VANGL1: variants seen among roughly 807,000 people sequenced by gnomAD.
The protein encoded by VANGL1 is VANGL planar cell polarity protein 1.
Under a neutral mutation model 48.4 loss-of-function variants are expected in VANGL1, and 18 were observed. The observed-to-expected ratio is 0.37, with a 90% CI of 0.26 to 0.55. The LOEUF (loss-of-function observed/expected upper bound fraction) is 0.55. Among genes scored for constraint, VANGL1 ranks in the 20% least tolerant of loss-of-function variants. VANGL1 has a pLI of 0.81. For synonymous variants in VANGL1, 257 were observed against 261.8 expected, an observed-to-expected ratio of 0.98 and a Z score of 0.18; for missense variants, 667 against 675.8, an observed-to-expected ratio of 0.99 and a Z score of 0.14.
chr1:115,691,604 C>T lies in VANGL1; in HGVS notation c.*225C>T, dbSNP rs1418060428. ...TGACATCTGACTTTTGTCGATGGGA[C>T]TTCTCAAGAAGCCATTCCTTGGAGC... On this transcript the variant is annotated 3_prime_UTR_variant, in exon 8 of 8. Coordinates refer to ENST00000355485, the MANE Select transcript of VANGL1 (RefSeq NM_138959.3). 4.0e-6 allele frequency: 2 copies of T among 503,038 alleles called. No homozygotes were observed. Among genetic ancestry groups the T allele is most frequent in the South Asian group, 3.1e-5 (1 of 32,764 alleles). 31.2% of individuals were successfully genotyped at this position (503,038 alleles called of 1,614,324 possible). A position where few individuals can be genotyped will look rare whatever the true frequency, so the allele number is the denominator to read the frequency against.
chr1:115,643,298 C>G (rs73005551), intron 1 of VANGL1, among the ~76,000 whole-genome samples: 6,728 of 152,232 alleles, frequency 0.044, 492 homozygotes, highest in African/African-American at 0.15. Flanking sequence ...TTAGCATTCT[C>G]CCGTCAGTGG....
intron 4 of VANGL1, among the ~76,000 whole-genome samples, chr1:115,677,526 G>A (rs1030371527): frequency 1.3e-5 from 2 of 152,222 alleles, no homozygotes. Context: ...AGCCTAGACT[G>A]AAGCCTATTG....
chr1:115,647,940 A>G (rs1300312950), intron 1 of VANGL1, among the ~76,000 whole-genome samples: 2 of 152,188 alleles, frequency 1.3e-5, no homozygotes. Flanking sequence ...GCTATGTTCA[A>G]AATATCCTGG....
At position 115,651,354 on chromosome 1, in the gene VANGL1, T is replaced by C; in HGVS notation, c.-60T>C. Reference sequence around the variant, plus strand: ...GTTTTAGGAGTCTGGTAGGTGAAATTTTCTACCTCTAAGGAGAAACAGTAC... The same window carrying C: ...GTTTTAGGAGTCTGGTAGGTGAAATCTTCTACCTCTAAGGAGAAACAGTAC... On this transcript the variant is annotated 5_prime_UTR_variant, in exon 2 of 8. Transcript: ENST00000355485. 6.5e-7 allele frequency: 1 copy of C among 1,529,392 alleles called. No individual in the cohort carries two copies. Among genetic ancestry groups the C allele is most frequent in the Non-Finnish European group, 9.0e-7 (1 of 1,108,188 alleles). 94.7% of individuals were successfully genotyped at this position (1,529,392 alleles called of 1,614,324 possible). A position where few individuals can be genotyped will look rare whatever the true frequency, so the allele number is the denominator to read the frequency against.
intron 1 of VANGL1, among the ~76,000 whole-genome samples, chr1:115,642,330 G>A (rs1439984823): frequency 6.6e-6 from 1 of 151,956 alleles, no homozygotes; most frequent in Non-Finnish European, 1.5e-5. Flanking sequence ...CGCCCCTCCT[G>A]GCCCTGCCGT....
intron 1 of VANGL1, among the ~76,000 whole-genome samples, chr1:115,644,415 G>A (rs985321673): frequency 6.6e-6 from 1 of 152,176 alleles, no homozygotes; most frequent in South Asian, 2.1e-4. Flanking sequence ...TTAGGGTCTC[G>A]CTGTATAGGG....
At chr1:115,681,905 C>A (rs1402478920) in intron 4 of VANGL1, among the ~76,000 whole-genome samples, 1 of 152,156 alleles carries the variant, frequency 6.6e-6, no homozygotes, top group Non-Finnish European at 1.5e-5. Context: ...GATACCAAGG[C>A]CTAGGGGACA....
chr1:115,689,504 G>GA (rs1291209849), intron 7 of VANGL1, among the ~76,000 whole-genome samples: 1 of 136,384 alleles, frequency 7.3e-6, no homozygotes, highest in Admixed American at 7.6e-5. Context: ...AGGCGTGGTG[G>GA]CGCATGCCTG....
At chr1:115,652,918 T>C (rs1652207347) in intron 2 of VANGL1, among the ~76,000 whole-genome samples, 1 of 152,228 alleles carries the variant, frequency 6.6e-6, no homozygotes, top group Admixed American at 6.5e-5. Context: ...TCAATTTTTT[T>C]TACAAGTGTA....
intron 1 of VANGL1, among the ~76,000 whole-genome samples, chr1:115,649,530 G>A (rs571333419): frequency 1.3e-5 from 2 of 152,204 alleles, no homozygotes; most frequent in Non-Finnish European, 2.9e-5. Context: ...AGAGGAACAA[G>A]CATTTCGGAA....
intron 5 of VANGL1, among the ~76,000 whole-genome samples, chr1:115,683,252 CCA>C (rs1653459700): frequency 1.3e-5 from 2 of 152,116 alleles, no homozygotes; most frequent in Admixed American, 1.3e-4. Flanking sequence ...GGAAAGATTC[CCA>C]CTAGTGAAAC....
At chr1:115,662,199 G>A (rs986909536) in intron 3 of VANGL1, among the ~76,000 whole-genome samples, 9 of 147,052 alleles carry the variant, frequency 6.1e-5, no homozygotes, top group Admixed American at 3.5e-4. Flanking sequence ...TCTTACCATA[G>A]CCCATACATT....
chr1:115,660,113 A>G lies in VANGL1; in HGVS notation c.204+340A>G, dbSNP rs115916095. The stretch of plus-strand genomic sequence containing the variant: ...GGGAGAAGGAAACTCAGAAAACCTA[A>G]GAAGTTTAAAAAACATGGGGCAGCC... On this transcript the variant is annotated intron_variant, in intron 3 of 7. Transcript: ENST00000355485. Among the ~76,000 whole-genome samples the G allele has an allele frequency of 9.1e-3, 1,388 of 152,210 alleles. 27 individuals carry two copies. The highest frequency in any genetic ancestry group is 0.032 in the African/African-American group (1,325 of 41,446).
At position 115,694,545 on chromosome 1, in the gene VANGL1, G is replaced by T. The variant is rs1653964887; in HGVS notation, c.*3166G>T. 1 of 152,176 alleles carries T rather than the reference G, an allele frequency of 6.6e-6. No individual in the cohort carries two copies. The highest frequency in any genetic ancestry group is 1.5e-5 in the Non-Finnish European group (1 of 68,048). The allele number at this position is 152,176 out of a possible 1,614,324, so 9.4% of individuals were successfully genotyped here. A position where few individuals can be genotyped will look rare whatever the true frequency, so the allele number is the denominator to read the frequency against. On this transcript the variant is annotated 3_prime_UTR_variant, in exon 8 of 8. Coordinates refer to ENST00000355485, the MANE Select transcript of VANGL1 (RefSeq NM_138959.3). ...GCCTCATAATCACTTTCGAGTGCAT[G>T]TATTTACCTAAGGGCTGTAGCTCTG...
intron 1 of VANGL1, among the ~76,000 whole-genome samples, chr1:115,647,788 C>T (rs1490078479): frequency 1.3e-5 from 2 of 152,130 alleles, no homozygotes; most frequent in South Asian, 2.1e-4. Context: ...ATTGCTTTAG[C>T]TGAGGAATTG....
chr1:115,670,082 G>T (rs1311039283), intron 4 of VANGL1, among the ~76,000 whole-genome samples: 2 of 152,106 alleles, frequency 1.3e-5, no homozygotes, highest in Admixed American at 1.3e-4. Context: ...ATCCTTACAA[G>T]AACAGATACC....
At position 115,694,097 on chromosome 1, in the gene VANGL1, A is replaced by G. The variant is rs1193622578; in HGVS notation, c.*2718A>G. 2.0e-5 allele frequency: 3 copies of G among 152,228 alleles called. No individual in the cohort carries two copies. The highest frequency in any genetic ancestry group is 4.4e-5 in the Non-Finnish European group (3 of 68,046). The allele number at this position is 152,228 out of a possible 1,614,324, so 9.4% of individuals were successfully genotyped here. A position where few individuals can be genotyped will look rare whatever the true frequency, so the allele number is the denominator to read the frequency against. On this transcript the variant is annotated 3_prime_UTR_variant, in exon 8 of 8. Coordinates refer to ENST00000355485, the MANE Select transcript of VANGL1 (RefSeq NM_138959.3). ...TACTTTTGAAGATAGGACAGTTTTT[A>G]TAGTCCATGAACTGAATGTTAAAAA...
At chr1:115,644,167 T>C (rs1651830675) in intron 1 of VANGL1, among the ~76,000 whole-genome samples, 1 of 152,222 alleles carries the variant, frequency 6.6e-6, no homozygotes. Context: ...CAATTTTCTG[T>C]AGCTAAGAAC....
intron 4 of VANGL1, among the ~76,000 whole-genome samples, chr1:115,668,208 AATAG>A (rs1374134223): frequency 6.6e-6 from 1 of 152,226 alleles, no homozygotes; most frequent in Non-Finnish European, 1.5e-5. Flanking sequence ...ACTACCTCTG[AATAG>A]ATAGTTGCAT....
Sources: allele counts gnomAD v4.1 joint callset (sites outside exome capture counted in the v4.1 genomes callset), GRCh38; gene constraint gnomAD v4.1.1; transcripts MANE v1.5; gene names NCBI Gene and HGNC (gene_info 2026-07-23, HGNC 2026-07-21).